The following R3HDM2 variants were observed in gnomAD, a reference collection of about 807,000 sequenced individuals.
The protein encoded by R3HDM2 is R3H domain containing 2, also known as R3H domain-containing protein 2.
Under a neutral mutation model 124.5 loss-of-function variants are expected in R3HDM2, and 38 were observed. The ratio of observed to expected loss-of-function variants is 0.31; its 90% CI spans 0.24 to 0.40. The LOEUF (loss-of-function observed/expected upper bound fraction) is 0.40. Ranked by LOEUF, R3HDM2 falls within the 10% of genes least tolerant of loss-of-function variation. The pLI, the probability that R3HDM2 is intolerant of heterozygous loss-of-function variation, is 1.00. For synonymous variants in R3HDM2, 391 were observed against 448.0 expected, an observed-to-expected ratio of 0.87 and a Z score of 1.61; for missense variants, 869 against 1,236.9, an observed-to-expected ratio of 0.70 and a Z score of 4.46.
chr12:57,417,983 C>CCCTA (rs1246123072), intron 1 of R3HDM2, among the ~76,000 whole-genome samples: 1 of 152,256 alleles, frequency 6.6e-6, no homozygotes, highest in East Asian at 1.9e-4. Context: ...TAACCCTGTT[C>CCCTA]CCTATCACAG....
intron 1 of R3HDM2, among the ~76,000 whole-genome samples, chr12:57,429,655 T>C (rs776246665): frequency 2.7e-5 from 4 of 150,668 alleles, no homozygotes; most frequent in Non-Finnish European, 4.4e-5. Context: ...AGAGGTTGCA[T>C]TGAGCCGAAA....
chr12:57,377,234 G>C (rs2064210840), intron 2 of R3HDM2, among the ~76,000 whole-genome samples: 1 of 151,800 alleles, frequency 6.6e-6, no homozygotes, highest in African/African-American at 2.4e-5. Flanking sequence ...GTAACTAACA[G>C]AAAGTCTTGA....
intron 2 of R3HDM2, among the ~76,000 whole-genome samples, chr12:57,332,219 G>A (rs1436324857): frequency 6.6e-6 from 1 of 151,718 alleles, no homozygotes; most frequent in Non-Finnish European, 1.5e-5. Context: ...AGACCAGCCT[G>A]AGCAACATAG....
intron 2 of R3HDM2, among the ~76,000 whole-genome samples, chr12:57,370,408 G>C (rs11172186): frequency 0.71 from 74,597 of 105,288 alleles, 30,230 homozygotes; most frequent in Middle Eastern, 0.9. Flanking sequence ...GGGGGGGGGG[G>C]GCGGGGTGGA....
In R3HDM2 at chr12:57,258,989, C is replaced by T. The variant is rs778581224; in HGVS notation, c.2202G>A (p.Gln734=). The T allele has an allele frequency of 1.2e-6, 2 of 1,613,380 alleles. No individual in the cohort carries two copies. The highest frequency in any genetic ancestry group is 1.7e-6 in the Non-Finnish European group (2 of 1,179,956). Residue 734 remains glutamine (Q), a synonymous_variant, in exon 20 of 24, where the codon CAG becomes CAA. Coordinates refer to ENST00000402412, the MANE Select transcript of R3HDM2 (RefSeq NM_001394031.1). ...GACTCCACTGGACCATGGATGGGTT[C>T]TGAGGGGGCTGGGGTCCATTAGGGA... is the stretch of plus-strand genomic sequence containing the variant. ...LNVPNGPQPP[Q]NPSMVQWSHC...
At chr12:57,419,144 C>CA (rs2069937327) in intron 1 of R3HDM2, among the ~76,000 whole-genome samples, 1 of 139,284 alleles carries the variant, frequency 7.2e-6, no homozygotes, top group Non-Finnish European at 1.6e-5. Context: ...TTCTCCTTTC[C>CA]TTTTTTTTTT....
chr12:57,256,487 C>T lies in R3HDM2; in HGVS notation c.2474G>A (p.Gly825Asp). 3.8e-6 allele frequency: 6 copies of T among 1,589,522 alleles called. No homozygotes were observed. Among genetic ancestry groups the T allele is most frequent in the Non-Finnish European group, 5.1e-6 (6 of 1,168,276 alleles). ...AQGDGRYSLL[G>D]QPLQYNLSIC... ...GGACAGATTGTACTGTAATGGCTGG[C>T]CCAAAAGGGAGTAGCGCCCATCACC... is the stretch of plus-strand genomic sequence containing the variant. Residue 825 changes from glycine to aspartate, a missense_variant, in exon 22 of 24, where the codon GGC becomes GAC. Gly to Asp is a moderately conservative substitution (Grantham distance 94). Coordinates refer to ENST00000402412, the MANE Select transcript of R3HDM2 (RefSeq NM_001394031.1).
At chr12:57,357,278 A>T (rs2061404986) in intron 2 of R3HDM2, among the ~76,000 whole-genome samples, 1 of 152,034 alleles carries the variant, frequency 6.6e-6, no homozygotes. Flanking sequence ...CCTGGCCAAC[A>T]TAGCAAAACC....
At chr12:57,374,340 G>A (rs2063750937) in intron 2 of R3HDM2, among the ~76,000 whole-genome samples, 1 of 151,498 alleles carries the variant, frequency 6.6e-6, no homozygotes, top group Non-Finnish European at 1.5e-5. Flanking sequence ...GAAGTCTGAT[G>A]AATAGTGTGT....
chr12:57,354,750 A>T (rs2061068255), intron 2 of R3HDM2, among the ~76,000 whole-genome samples: 1 of 152,148 alleles, frequency 6.6e-6, no homozygotes, highest in African/African-American at 2.4e-5. Context: ...TATATTCTAC[A>T]TATGAGTATT....
At chr12:57,386,967 A>T (rs2065927064) in intron 2 of R3HDM2, among the ~76,000 whole-genome samples, 1 of 152,016 alleles carries the variant, frequency 6.6e-6, no homozygotes, top group African/African-American at 2.4e-5. Context: ...CTCTGTATCT[A>T]GCTCAAGGTT....
chr12:57,298,486 T>G (rs911728750), intron 6 of R3HDM2, among the ~76,000 whole-genome samples: 1 of 152,152 alleles, frequency 6.6e-6, no homozygotes, highest in Admixed American at 6.6e-5. Context: ...AAATTCCAGG[T>G]AAGGGCAGTC....
At chr12:57,292,746 C>T in intron 10 of R3HDM2, 79 bp from the exon 11 acceptor site, 1 of 917,026 alleles carries the variant, frequency 1.1e-6, no homozygotes, top group Non-Finnish European at 1.6e-6. Flanking sequence ...GGAAGAGAAA[C>T]CGGGAAAGTT....
intron 2 of R3HDM2, among the ~76,000 whole-genome samples, chr12:57,333,041 C>A (rs373247576): frequency 2.6e-5 from 4 of 152,330 alleles, no homozygotes; most frequent in Middle Eastern, 6.8e-3. Context: ...AAACTCTTGA[C>A]TTCTTTCATT....
chr12:57,274,602 T>A (rs914536950), intron 14 of R3HDM2, among the ~76,000 whole-genome samples: 3 of 152,210 alleles, frequency 2.0e-5, no homozygotes, highest in African/African-American at 7.2e-5. Context: ...GGAAGGGCAG[T>A]GATACGGGCA....
chr12:57,359,732 A>T (rs2061659418), intron 2 of R3HDM2, among the ~76,000 whole-genome samples: 1 of 151,632 alleles, frequency 6.6e-6, no homozygotes, highest in Non-Finnish European at 1.5e-5. Context: ...CACTTGTCCA[A>T]TATGTTCATT....
At chr12:57,366,397 T>C (rs1252754396) in intron 2 of R3HDM2, among the ~76,000 whole-genome samples, 1 of 152,260 alleles carries the variant, frequency 6.6e-6, no homozygotes, top group Non-Finnish European at 1.5e-5. Flanking sequence ...TCTTCTGCTG[T>C]GCCGATCTGC....
intron 1 of R3HDM2, among the ~76,000 whole-genome samples, chr12:57,404,183 T>C (rs1196377337): frequency 6.7e-6 from 1 of 148,214 alleles, no homozygotes; most frequent in Non-Finnish European, 1.5e-5. Context: ...TCCTGCCTCA[T>C]CCTCCCGAGT....
chr12:57,427,389 G>A (rs1395155983), intron 1 of R3HDM2, among the ~76,000 whole-genome samples: 1 of 143,946 alleles, frequency 6.9e-6, no homozygotes, highest in Non-Finnish European at 1.5e-5. Context: ...TCAGTCTGTT[G>A]CCCAGGCTGG....
Sources: gnomAD v4.1 joint callset for allele counts (sites outside exome capture counted in the v4.1 genomes callset) on GRCh38, gnomAD v4.1.1 for gene constraint, MANE v1.5 for transcripts, NCBI Gene and HGNC (gene_info 2026-07-23, HGNC 2026-07-21) for gene names.